NSMCE2: variants seen among roughly 807,000 people sequenced by gnomAD.
NSMCE2 encodes NSE2 SUMO ligase component of SMC5/6 complex, also known as E3 SUMO-protein ligase NSE2.
NSMCE2 carries 24 observed loss-of-function variants against 23.8 expected under a neutral mutation model. The ratio of observed to expected loss-of-function variants is 1.01; its 90% CI spans 0.73 to 1.42. The LOEUF (loss-of-function observed/expected upper bound fraction) is 1.42, where lower values mean the gene tolerates loss of function less well. Ranked by LOEUF, NSMCE2 falls within the 40% of genes most tolerant of loss-of-function variation. NSMCE2 has a pLI of 0.00. For synonymous variants in NSMCE2, 92 were observed against 94.1 expected (o/e 0.98, Z 0.13); for missense variants, 284 against 296.5 (o/e 0.96, Z 0.31).
intron 3 of NSMCE2, among the ~76,000 whole-genome samples, chr8:125,140,776 T>C (rs1820330830): frequency 6.6e-6 from 1 of 152,196 alleles, no homozygotes; most frequent in African/African-American, 2.4e-5. Context: ...TTCCAAGTCA[T>C]GCAACTGTAG....
At chr8:125,167,567 G>A (rs570892035) in intron 4 of NSMCE2, among the ~76,000 whole-genome samples, 9 of 151,890 alleles carry the variant, frequency 5.9e-5, no homozygotes, top group African/African-American at 1.4e-4. Flanking sequence ...CCCAGGAGGC[G>A]TAGGTTGCAG....
At chr8:125,165,287 A>G (rs1821818627) in intron 4 of NSMCE2, among the ~76,000 whole-genome samples, 1 of 152,258 alleles carries the variant, frequency 6.6e-6, no homozygotes, top group South Asian at 2.1e-4. Flanking sequence ...TTCAGAAAAT[A>G]TTAATTGCCT....
chr8:125,100,835 A>T (rs572952885), intron 1 of NSMCE2, among the ~76,000 whole-genome samples: 1 of 152,338 alleles, frequency 6.6e-6, no homozygotes, highest in South Asian at 2.1e-4. Flanking sequence ...TGCTGGGATT[A>T]CAGGTGTGAG....
At chr8:125,354,083 C>G (rs922387156) in intron 5 of NSMCE2, among the ~76,000 whole-genome samples, 1 of 151,374 alleles carries the variant, frequency 6.6e-6, no homozygotes, top group Admixed American at 6.6e-5. Flanking sequence ...AGGCGCCCAC[C>G]ACCACGCCCA....
rs376175651 is a variant in NSMCE2 at position 125,151,328 on chromosome 8, G to A, written c.264+51G>A. On this transcript the variant is annotated intron_variant, in intron 4 of 7. Transcript: ENST00000287437. The stretch of plus-strand genomic sequence containing the variant: ...TATATTTGGTTACAACTCACTGACC[G>A]AGAAGTAGAAACACAAAATCAAAAT... 2.1e-4 allele frequency: 190 copies of A among 898,720 alleles called. 1 individual carries two copies. The Middle Eastern group carries it at 6.9e-3, about 33-fold the overall frequency. The allele number at this position is 898,720 out of a possible 1,614,324, so 55.7% of individuals were successfully genotyped here. A position where few individuals can be genotyped will look rare whatever the true frequency, so the allele number is the denominator to read the frequency against.
intron 5 of NSMCE2, among the ~76,000 whole-genome samples, chr8:125,244,413 G>C (rs946107654): frequency 1.3e-5 from 2 of 152,092 alleles, no homozygotes; most frequent in Admixed American, 6.5e-5. Flanking sequence ...ATGGCTAAGG[G>C]AGGGGGAAAG....
chr8:125,321,556 G>A (rs963361564), intron 5 of NSMCE2, among the ~76,000 whole-genome samples: 10 of 152,168 alleles, frequency 6.6e-5, no homozygotes, highest in African/African-American at 2.4e-4. Context: ...GCATTACCCT[G>A]ATGCCAAAAC....
chr8:125,318,543 A>G (rs182740323), intron 5 of NSMCE2, among the ~76,000 whole-genome samples: 92 of 152,364 alleles, frequency 6.0e-4, no homozygotes, highest in African/African-American at 2.2e-3. Flanking sequence ...CATAGACCCA[A>G]AAGTATGTAT....
intron 5 of NSMCE2, among the ~76,000 whole-genome samples, chr8:125,308,690 A>T (rs1335730281): frequency 6.6e-6 from 1 of 152,150 alleles, no homozygotes; most frequent in African/African-American, 2.4e-5. Flanking sequence ...GCATCTGCAA[A>T]TTGCTTTTAT....
chr8:125,229,642 A>G (rs1186421347), intron 5 of NSMCE2, among the ~76,000 whole-genome samples: 1 of 152,218 alleles, frequency 6.6e-6, no homozygotes, highest in African/African-American at 2.4e-5. Flanking sequence ...TATGTTCTAG[A>G]TGAAATTCAG....
At position 125,184,049 on chromosome 8, in the gene NSMCE2, T is replaced by G. The variant is rs145094165; in HGVS notation, c.418+1793T>G. ...AAAAAAAGATGCTAATGAATTTCAGTTTTGGTGTTGGTCTAAGTAGCCAAA... is the reference window on the plus strand; with the variant it reads ...AAAAAAAGATGCTAATGAATTTCAGGTTTGGTGTTGGTCTAAGTAGCCAAA... On this transcript the variant is annotated intron_variant, in intron 5 of 7. Transcript: ENST00000287437. Among the ~76,000 whole-genome samples, 850 of 152,240 alleles carry G rather than the reference T, an allele frequency of 5.6e-3. 10 individuals carry two copies. The highest frequency in any genetic ancestry group is 0.019 in the African/African-American group (800 of 41,540).
intron 5 of NSMCE2, among the ~76,000 whole-genome samples, chr8:125,260,385 G>C (rs1238187800): frequency 6.6e-6 from 1 of 151,976 alleles, no homozygotes; most frequent in African/African-American, 2.4e-5. Flanking sequence ...TTAGCTAAAG[G>C]ATGATTACAG....
At chr8:125,259,005 C>T (rs371862968) in intron 5 of NSMCE2, among the ~76,000 whole-genome samples, 2 of 152,140 alleles carry the variant, frequency 1.3e-5, no homozygotes, top group East Asian at 1.9e-4. Context: ...TGGGTTCAAG[C>T]GATTCTCCTG....
At chr8:125,125,357 C>A (rs1323719915) in intron 3 of NSMCE2, among the ~76,000 whole-genome samples, 1 of 152,218 alleles carries the variant, frequency 6.6e-6, no homozygotes, top group African/African-American at 2.4e-5. Flanking sequence ...AGCTTCACAT[C>A]ATTCTCACTG....
chr8:125,285,609 T>C (rs1470475245), intron 5 of NSMCE2, among the ~76,000 whole-genome samples: 1 of 152,168 alleles, frequency 6.6e-6, no homozygotes, highest in African/African-American at 2.4e-5. Context: ...TATAAAGCTC[T>C]TAGTGTCTGG....
chr8:125,229,229 A>G (rs1825220590), intron 5 of NSMCE2, among the ~76,000 whole-genome samples: 1 of 152,136 alleles, frequency 6.6e-6, no homozygotes. Context: ...GGGAAAGAAA[A>G]GAGAGATGCA....
At chr8:125,221,009 C>T (rs1252384615) in intron 5 of NSMCE2, among the ~76,000 whole-genome samples, 1 of 152,184 alleles carries the variant, frequency 6.6e-6, no homozygotes, top group African/African-American at 2.4e-5. Flanking sequence ...GATACTATCA[C>T]CCTTCCTCAG....
intron 5 of NSMCE2, among the ~76,000 whole-genome samples, chr8:125,253,133 C>T (rs966636466): frequency 1.3e-5 from 2 of 152,204 alleles, no homozygotes; most frequent in Non-Finnish European, 2.9e-5. Flanking sequence ...CCCCAGGGTA[C>T]TGCCATTTCT....
At chr8:125,213,707 C>CCCTTCCTTCCTTCCTTTTTT (rs376943652) in intron 5 of NSMCE2, among the ~76,000 whole-genome samples, 20 of 123,376 alleles carry the variant, frequency 1.6e-4, no homozygotes, top group African/African-American at 3.4e-4. Context: ...TTCCCTCCCT[C>CCCTTCCTTCCTTCCTTTTTT]CCTTCCTTCC....
Sources: allele counts gnomAD v4.1 joint callset (sites outside exome capture counted in the v4.1 genomes callset), GRCh38; gene constraint gnomAD v4.1.1; transcripts MANE v1.5; gene names NCBI Gene and HGNC (gene_info 2026-07-23, HGNC 2026-07-21).